Variants in SPMAP2L observed in about 807,000 individuals in gnomAD.
SPMAP2L encodes sperm microtubule associated protein 2 like.
chr4:56,578,977 G>A, the SPMAP2L span, among the ~76,000 whole-genome samples: 1 of 151,750 alleles, frequency 6.6e-6, no homozygotes, highest in African/African-American at 2.4e-5. Context: ...GCACCCAACA[G>A]CAGAGCAAAA....
chr4:56,553,712 G>A, the SPMAP2L span, among the ~76,000 whole-genome samples: 2 of 152,178 alleles, frequency 1.3e-5, no homozygotes, highest in Non-Finnish European at 2.9e-5. Context: ...TTTACATTAA[G>A]GTTCACTTTT....
the SPMAP2L span, chr4:56,596,540 C>T: frequency 6.5e-7 from 1 of 1,532,440 alleles, no homozygotes; most frequent in Non-Finnish European, 8.7e-7. Context: ...AGTGCGATTG[C>T]AACTCCAAGA....
chr4:56,589,125 A>C, the SPMAP2L span, among the ~76,000 whole-genome samples: 1 of 151,788 alleles, frequency 6.6e-6, no homozygotes, highest in African/African-American at 2.4e-5. Context: ...AGTAGTTGGG[A>C]TTACAGGCGC....
chr4:56,542,962 A>T, the SPMAP2L span, among the ~76,000 whole-genome samples: 1 of 152,102 alleles, frequency 6.6e-6, no homozygotes, highest in Non-Finnish European at 1.5e-5. Context: ...TTGTCACTGG[A>T]AATTATCACG....
chr4:56,618,163 T>A, the SPMAP2L span, among the ~76,000 whole-genome samples: 1 of 152,164 alleles, frequency 6.6e-6, no homozygotes, highest in African/African-American at 2.4e-5. Flanking sequence ...CACACCCTCC[T>A]CTACCCAGCA....
the SPMAP2L span, among the ~76,000 whole-genome samples, chr4:56,608,165 T>G: frequency 6.6e-6 from 1 of 152,186 alleles, no homozygotes; most frequent in Non-Finnish European, 1.5e-5. Context: ...ATATGATATT[T>G]GCAGGAGAAG....
chr4:56,566,012 A>G, the SPMAP2L span, among the ~76,000 whole-genome samples: 1 of 152,188 alleles, frequency 6.6e-6, no homozygotes. Context: ...CATTTGTTAT[A>G]GGCAAATGTT....
At chr4:56,587,763 G>C in the SPMAP2L span, among the ~76,000 whole-genome samples, 2 of 152,120 alleles carry the variant, frequency 1.3e-5, no homozygotes, top group Admixed American at 1.3e-4. Context: ...ATTCTGAATT[G>C]TGCTGCTATA....
At chr4:56,543,973 TGAGAGAGAGAGAGAGA>T in the SPMAP2L span, among the ~76,000 whole-genome samples, 6 of 127,192 alleles carry the variant, frequency 4.7e-5, no homozygotes, top group South Asian at 2.7e-4. Context: ...TGTGTGTATG[TGAGAGAGAGAGAGAGA>T]GAGAGAGAGA....
the SPMAP2L span, chr4:56,594,139 A>G: frequency 6.2e-7 from 1 of 1,610,792 alleles, no homozygotes; most frequent in Non-Finnish European, 8.5e-7. Flanking sequence ...AGTCATCTGC[A>G]GAACTGGTTG....
chr4:56,591,447 AG>A, the SPMAP2L span, among the ~76,000 whole-genome samples: 1 of 152,250 alleles, frequency 6.6e-6, no homozygotes, highest in South Asian at 2.1e-4. Context: ...AAACACTGTC[AG>A]TGTTAGTATC....
At chr4:56,564,081 G>A in the SPMAP2L span, among the ~76,000 whole-genome samples, 1 of 151,868 alleles carries the variant, frequency 6.6e-6, no homozygotes. Context: ...AGCATTGGCA[G>A]TGTGTGTCTT....
chr4:56,548,686 TA>T, the SPMAP2L span: 5 of 711,398 alleles, frequency 7.0e-6, no homozygotes, highest in Non-Finnish European at 8.1e-6. Flanking sequence ...TTTCCCCAAA[TA>T]TTTTTTTCTA....
the SPMAP2L span, chr4:56,548,673 C>A: frequency 1.8e-6 from 1 of 551,460 alleles, no homozygotes; most frequent in Non-Finnish European, 2.8e-6. Context: ...TTTCAGTTGG[C>A]CATTTCCCCA....
chr4:56,534,146 T>G, the SPMAP2L span, among the ~76,000 whole-genome samples: 6 of 152,288 alleles, frequency 3.9e-5, no homozygotes, highest in East Asian at 1.2e-3. Flanking sequence ...ATCATATCCA[T>G]GTCCTCTTTC....
chr4:56,594,112 G>T, the SPMAP2L span: 1 of 1,607,318 alleles, frequency 6.2e-7, no homozygotes, highest in Non-Finnish European at 8.5e-7. Flanking sequence ...ACGATTTGTT[G>T]CGGATCTTTG....
chr4:56,605,467 GGGA>G, the SPMAP2L span, among the ~76,000 whole-genome samples: 2,339 of 152,302 alleles, frequency 0.015, 56 homozygotes, highest in African/African-American at 0.051. Context: ...TTGATCCCAT[GGGA>G]AAGTGAGAGA....
chr4:56,610,482 A>G, the SPMAP2L span, among the ~76,000 whole-genome samples: 1 of 152,246 alleles, frequency 6.6e-6, no homozygotes, highest in Non-Finnish European at 1.5e-5. Context: ...AAGACCTGAC[A>G]CTATAAAAAT....
the SPMAP2L span, among the ~76,000 whole-genome samples, chr4:56,552,794 T>C: frequency 5.9e-5 from 9 of 152,310 alleles, no homozygotes; most frequent in African/African-American, 2.2e-4. Flanking sequence ...TGGCTGTACA[T>C]TGGAATCACC....
Sources: gnomAD v4.1 joint callset for allele counts (sites outside exome capture counted in the v4.1 genomes callset) on GRCh38, gnomAD v4.1.1 for gene constraint, MANE v1.5 for transcripts, NCBI Gene and HGNC (gene_info 2026-07-23, HGNC 2026-07-21) for gene names.